Variants in SKI observed in about 807,000 individuals in gnomAD.
SKI encodes ski oncogene.
SKI carries 23 observed loss-of-function variants against 59.3 expected under a neutral mutation model. The ratio of observed to expected loss-of-function variants is 0.39; its 90% CI spans 0.28 to 0.55. SKI has a LOEUF of 0.55. Among genes scored for constraint, SKI ranks in the 20% least tolerant of loss-of-function variants. SKI has a pLI of 0.67. For synonymous variants in SKI, 673 were observed against 488.6 expected (o/e 1.38, Z -4.98); for missense variants, 1,017 against 1,038.9 (o/e 0.98, Z 0.29).
chr1:2,287,170 C>G (rs1284395855), intron 1 of SKI, among the ~76,000 whole-genome samples: 1 of 152,102 alleles, frequency 6.6e-6, no homozygotes, highest in Non-Finnish European at 1.5e-5. Flanking sequence ...CAGGGTGCAC[C>G]TGTGCTCTGG....
chr1:2,277,781 ACGT>A (rs945069711), intron 1 of SKI, among the ~76,000 whole-genome samples: 12 of 147,238 alleles, frequency 8.2e-5, no homozygotes, highest in African/African-American at 2.9e-4. Context: ...ACGTGCACAC[ACGT>A]CAGCACCGTG....
intron 1 of SKI, among the ~76,000 whole-genome samples, chr1:2,300,127 C>T (rs142505883): frequency 0.013 from 2,050 of 152,354 alleles, 60 homozygotes; most frequent in African/African-American, 0.046. Context: ...CAAGCTCACA[C>T]GCGTTGCCCG....
chr1:2,291,661 A>G (rs1172585848), intron 1 of SKI, among the ~76,000 whole-genome samples: 4 of 119,078 alleles, frequency 3.4e-5, no homozygotes, highest in African/African-American at 1.3e-4. Context: ...TCCCCCCTGG[A>G]TGGATGGGTC....
At chr1:2,306,356 G>C in intron 6 of SKI, 106 bp downstream of exon 6, 2 of 1,176,348 alleles carry the variant, frequency 1.7e-6, no homozygotes, top group South Asian at 1.6e-5. Flanking sequence ...GCAGAAGCCA[G>C]GCCCGGGACC....
chr1:2,284,674 C>T (rs1399681782), intron 1 of SKI, among the ~76,000 whole-genome samples: 1 of 152,182 alleles, frequency 6.6e-6, no homozygotes, highest in Admixed American at 6.5e-5. Context: ...GCGGCTCCCT[C>T]CCGCCCCACA....
Position 2,232,327 on chromosome 1 carries a change from G to A in SKI, c.969+2592G>A, listed in dbSNP as rs148955569. ...CTGAATTGCCTTCCGGGTGTTTGTG[G>A]CCAGGCCAGGGTCGGGTCTCCTGCC... On this transcript the variant is annotated intron_variant, in intron 1 of 6. Transcript: ENST00000378536. 5.6e-3 allele frequency among the ~76,000 whole-genome samples: 847 copies of A among 152,288 alleles called. 8 individuals are homozygous for A. Among genetic ancestry groups the A allele is most frequent in the African/African-American group, 0.019 (794 of 41,560 alleles).
intron 1 of SKI, among the ~76,000 whole-genome samples, chr1:2,250,814 G>T (rs1416670382): frequency 6.6e-6 from 1 of 152,270 alleles, no homozygotes; most frequent in Non-Finnish European, 1.5e-5. Context: ...CTTCTCTTGG[G>T]CCTGCCTCGT....
intron 1 of SKI, among the ~76,000 whole-genome samples, chr1:2,302,628 A>T (rs1244097250): frequency 6.6e-6 from 1 of 152,144 alleles, no homozygotes; most frequent in Non-Finnish European, 1.5e-5. Flanking sequence ...ACTCCTGGCC[A>T]GGCTGAGCCG....
intron 5 of SKI, among the ~76,000 whole-genome samples, chr1:2,305,724 A>T (rs1640556382): frequency 6.6e-6 from 1 of 152,174 alleles, no homozygotes; most frequent in Non-Finnish European, 1.5e-5. Context: ...GCTGCCCCCA[A>T]GGGGAACGTG....
rs567637491 is a variant in SKI, at chr1:2,229,127, C to T, written c.361C>T (p.Leu121=). The part of the protein sequence containing the change: ...SCFVVGGEKR[L]CLPQILNSVL... Reference sequence around the variant, plus strand: ...CTTCGTGGTGGGAGGCGAGAAGCGCCTGTGTCTGCCGCAGATTCTCAACTC... The same window carrying T: ...CTTCGTGGTGGGAGGCGAGAAGCGCTTGTGTCTGCCGCAGATTCTCAACTC... Residue 121 remains leucine, a synonymous_variant, in exon 1 of 7, where the codon CTG becomes TTG. Coordinates refer to ENST00000378536, the MANE Select transcript of SKI (RefSeq NM_003036.4). The surrounding 1 kb of genome is among the most constrained non-coding windows in gnomAD (Gnocchi z 6.3). 11 of 1,611,262 alleles carry T rather than the reference C, an allele frequency of 6.8e-6. No homozygotes were observed. Among genetic ancestry groups the T allele is most frequent in the African/African-American group, 5.3e-5 (4 of 75,056 alleles).
At position 2,265,894 on chromosome 1, in the gene SKI, G is replaced by C. The variant is rs12407634; in HGVS notation, c.969+36159G>C. 0.015 allele frequency among the ~76,000 whole-genome samples: 2,356 copies of C among 152,194 alleles called. 113 individuals are homozygous for C. The East Asian group carries it at 0.16, about 11-fold the overall frequency. On this transcript the variant is annotated intron_variant, in intron 1 of 6. Coordinates refer to ENST00000378536, the MANE Select transcript of SKI (RefSeq NM_003036.4). ...GAGGTGGGAGGATCATTTGAACCCG[G>C]GAGGTGGAGGTTGCAGTGAGCTTCA...
At chr1:2,260,557 T>TTTTTTTTTTG (rs1449350333) in intron 1 of SKI, among the ~76,000 whole-genome samples, 1 of 141,992 alleles carries the variant, frequency 7.0e-6, no homozygotes, top group Non-Finnish European at 1.5e-5. Flanking sequence ...TTTTTTTTTT[T>TTTTTTTTTTG]TGAGACAGGG....
At chr1:2,254,521 C>T (rs918010473) in intron 1 of SKI, among the ~76,000 whole-genome samples, 2 of 152,236 alleles carry the variant, frequency 1.3e-5, no homozygotes, top group African/African-American at 4.8e-5. Flanking sequence ...ACTTGATACT[C>T]AGTCTGGGTG....
intron 1 of SKI, among the ~76,000 whole-genome samples, chr1:2,289,837 C>T (rs981502060): frequency 7.9e-5 from 12 of 152,138 alleles, no homozygotes; most frequent in African/African-American, 2.6e-4. Context: ...GGCCTGGCCT[C>T]CCTCTGGGCA....
intron 1 of SKI, among the ~76,000 whole-genome samples, chr1:2,230,734 A>C (rs929990577): frequency 6.6e-6 from 1 of 152,188 alleles, no homozygotes; most frequent in African/African-American, 2.4e-5. Flanking sequence ...TTAAATATCC[A>C]GGCTTATTAA....
intron 1 of SKI, among the ~76,000 whole-genome samples, chr1:2,277,642 C>T (rs989356683): frequency 3.9e-5 from 6 of 152,144 alleles, no homozygotes; most frequent in East Asian, 1.9e-4. Flanking sequence ...TGCACACACA[C>T]GTCAGCACTG....
At chr1:2,264,603 T>C (rs926252978) in intron 1 of SKI, among the ~76,000 whole-genome samples, 1 of 151,896 alleles carries the variant, frequency 6.6e-6, no homozygotes, top group Non-Finnish European at 1.5e-5. Flanking sequence ...GATTTCACCA[T>C]GTTGGTCAGC....
chr1:2,291,161 T>C (rs541721339), intron 1 of SKI, among the ~76,000 whole-genome samples: 2 of 151,332 alleles, frequency 1.3e-5, no homozygotes, highest in South Asian at 4.1e-4. Flanking sequence ...TTGCTGTTCT[T>C]GGGAGTCTGT....
chr1:2,300,106 G>C (rs1024902412), intron 1 of SKI, among the ~76,000 whole-genome samples: 1 of 152,240 alleles, frequency 6.6e-6, no homozygotes, highest in Non-Finnish European at 1.5e-5. Flanking sequence ...GGGGGCACCT[G>C]TCCTTGGGTG....
Sources: gnomAD v4.1 joint callset for allele counts (sites outside exome capture counted in the v4.1 genomes callset) on GRCh38, gnomAD v4.1.1 for gene constraint, Gnocchi (gnomAD v3.1) non-coding constraint, MANE v1.5 for transcripts, NCBI Gene and HGNC (gene_info 2026-07-23, HGNC 2026-07-21) for gene names.